Variants in MKRN1 observed in about 807,000 individuals in gnomAD.
MKRN1 encodes the protein E3 ubiquitin-protein ligase makorin-1.
In MKRN1, 9 loss-of-function variants were observed where a neutral mutation model predicts 55.5. That is an observed-to-expected ratio of 0.16 (90% confidence interval 0.10 to 0.28). MKRN1 has a LOEUF of 0.28. Ranked by LOEUF, MKRN1 falls within the 10% of genes least tolerant of loss-of-function variation. The pLI is 1.00. For synonymous variants in MKRN1, 253 were observed against 235.9 expected (o/e 1.07, Z -0.66); for missense variants, 488 against 626.7 (o/e 0.78, Z 2.36).
chr7:140,454,827 A>G, intron 7 of MKRN1, 98 bp from the exon 8 acceptor site: 1 of 1,265,668 alleles, frequency 7.9e-7, no homozygotes, highest in Non-Finnish European at 1.1e-6. Context: ...AGAGGGCATG[A>G]CGAACCAGAC....
chr7:140,463,948 GT>G (rs1794699525), intron 2 of MKRN1, among the ~76,000 whole-genome samples: 1 of 151,776 alleles, frequency 6.6e-6, no homozygotes, highest in East Asian at 2.0e-4. Flanking sequence ...CTTTTGTTTT[GT>G]TTTTTGAGAC....
intron 2 of MKRN1, among the ~76,000 whole-genome samples, chr7:140,465,367 G>A (rs1359243086): frequency 6.6e-6 from 1 of 152,050 alleles, no homozygotes; most frequent in Non-Finnish European, 1.5e-5. Flanking sequence ...AGGCATGGTG[G>A]CACATGCCTG....
intron 6 of MKRN1, chr7:140,455,458 G>A (rs1166621774): frequency 3.4e-6 from 2 of 581,806 alleles, no homozygotes; most frequent in Non-Finnish European, 6.0e-6. Flanking sequence ...AGTACAAGCA[G>A]ATGCCATAGA....
At chr7:140,457,083 A>C (rs1794486953) in intron 4 of MKRN1, among the ~76,000 whole-genome samples, 1 of 152,102 alleles carries the variant, frequency 6.6e-6, no homozygotes, top group Non-Finnish European at 1.5e-5. Flanking sequence ...AATACTAGAA[A>C]ATCAAACTAT....
intron 1 of MKRN1, 168 bp downstream of exon 1, chr7:140,478,992 G>A (rs960082119): frequency 8.5e-6 from 7 of 824,712 alleles, no homozygotes; most frequent in Admixed American, 9.2e-5. Flanking sequence ...AGTGACTGGG[G>A]GAACGCGGCG....
At chr7:140,472,569 T>C (rs1435927429) in intron 1 of MKRN1, among the ~76,000 whole-genome samples, 1 of 151,586 alleles carries the variant, frequency 6.6e-6, no homozygotes, top group African/African-American at 2.4e-5. Context: ...CTTGTATTTT[T>C]AGTAGAGACA....
intron 2 of MKRN1, among the ~76,000 whole-genome samples, chr7:140,463,293 T>G (rs1794675198): frequency 1.3e-5 from 2 of 152,172 alleles, no homozygotes. Flanking sequence ...TGGGGAAGTA[T>G]TCTATCATTT....
At chr7:140,464,373 C>CAG (rs1170747918) in intron 2 of MKRN1, among the ~76,000 whole-genome samples, 1 of 152,092 alleles carries the variant, frequency 6.6e-6, no homozygotes, top group Non-Finnish European at 1.5e-5. Flanking sequence ...CACTGCACTC[C>CAG]AGCCTGGATG....
rs547508779 is a variant in MKRN1 at position 140,475,340 on chromosome 7, G to C, written c.186-3329C>G. 1,511 of 352,498 alleles carry C rather than the reference G, an allele frequency of 4.3e-3. 22 individuals carry two copies. In the African/African-American group the frequency reaches 0.045, roughly 10 times the overall value. 21.8% of individuals were successfully genotyped at this position (352,498 alleles called of 1,614,324 possible). On this transcript the variant is annotated intron_variant, in intron 1 of 7. Coordinates refer to ENST00000255977, the MANE Select transcript of MKRN1 (RefSeq NM_013446.4). ...CTTGGGCGACACAGACTCCATCTCA[G>C]AAAACAAACAAACAAACAAACAAAA...
chr7:140,462,667 A>G (rs565026820), intron 2 of MKRN1, among the ~76,000 whole-genome samples: 1 of 152,198 alleles, frequency 6.6e-6, no homozygotes, highest in South Asian at 2.1e-4. Flanking sequence ...CGTCTCTACT[A>G]AAAATAAAAA....
intron 2 of MKRN1, among the ~76,000 whole-genome samples, chr7:140,466,146 T>C (rs547064911): frequency 5.5e-4 from 83 of 152,292 alleles, no homozygotes; most frequent in African/African-American, 1.9e-3. Flanking sequence ...CAAGCAGTCA[T>C]AGAGCAAGCC....
At chr7:140,462,203 A>G (rs760157707) in intron 2 of MKRN1, among the ~76,000 whole-genome samples, 4 of 151,530 alleles carry the variant, frequency 2.6e-5, no homozygotes, top group Non-Finnish European at 5.9e-5. Context: ...AACTTTTTTT[A>G]TTTTTTGTAG....
upstream of MKRN1, chr7:140,479,535 GCGCCCGCGGCC>G: frequency 1.9e-6 from 1 of 520,924 alleles, no homozygotes; most frequent in Non-Finnish European, 3.0e-6. Flanking sequence ...CAGAGCATGC[GCGCCCGCGGCC>G]CGCCCACGGC....
intron 1 of MKRN1, among the ~76,000 whole-genome samples, chr7:140,475,868 CT>C (rs1350744911): frequency 6.6e-6 from 1 of 152,088 alleles, no homozygotes; most frequent in East Asian, 1.9e-4. Context: ...CTCAAGGTAA[CT>C]CAAGGTAGCA....
intron 2 of MKRN1, among the ~76,000 whole-genome samples, chr7:140,462,876 G>A (rs955239112): frequency 1.3e-5 from 2 of 152,280 alleles, no homozygotes; most frequent in Non-Finnish European, 2.9e-5. Context: ...TGAGGCACAA[G>A]AATCACTTGA....
chr7:140,455,390 A>T, intron 6 of MKRN1, 157 bp from the exon 7 acceptor site: 1 of 856,972 alleles, frequency 1.2e-6, no homozygotes, highest in Non-Finnish European at 1.8e-6. Flanking sequence ...GTGCCAATGC[A>T]AGAAACACTA....
At chr7:140,465,650 C>G (rs978066262) in intron 2 of MKRN1, among the ~76,000 whole-genome samples, 1 of 152,130 alleles carries the variant, frequency 6.6e-6, no homozygotes, top group Non-Finnish European at 1.5e-5. Context: ...ACCACCATTA[C>G]GAAACACTGA....
intron 4 of MKRN1, 81 bp downstream of exon 4, chr7:140,458,926 C>G: frequency 6.9e-7 from 1 of 1,445,216 alleles, no homozygotes. Context: ...AAATGTTTCT[C>G]TGAAATAAAC....
intron 1 of MKRN1, among the ~76,000 whole-genome samples, chr7:140,474,005 A>AAAAAGAAAG (rs1336764327): frequency 1.7e-4 from 11 of 65,668 alleles, no homozygotes; most frequent in East Asian, 1.5e-3. Flanking sequence ...AAAAAAAAAA[A>AAAAAGAAAG]AAAGAAAGAA....
Sources: gnomAD v4.1 joint callset for allele counts (sites outside exome capture counted in the v4.1 genomes callset) on GRCh38, gnomAD v4.1.1 for gene constraint, MANE v1.5 for transcripts, NCBI Gene and HGNC (gene_info 2026-07-23, HGNC 2026-07-21) for gene names.